Variants in ZCWPW2 observed in about 807,000 individuals in gnomAD.
ZCWPW2 encodes zinc finger CW-type PWWP domain protein 2.
ZCWPW2 carries 45 observed loss-of-function variants against 46.6 expected under a neutral mutation model. The ratio of observed to expected loss-of-function variants is 0.96; its 90% CI spans 0.76 to 1.24. The LOEUF (loss-of-function observed/expected upper bound fraction) is 1.24. ZCWPW2 is among the 50% of genes most tolerant of loss of function. The pLI is 0.00. For missense variants in ZCWPW2, 429 were observed against 403.9 expected, an observed-to-expected ratio of 1.06 and a Z score of -0.53; for synonymous variants, 152 against 137.1, an observed-to-expected ratio of 1.11 and a Z score of -0.76.
At chr3:28,378,385 A>T (rs1026819844) in intron 1 of ZCWPW2, among the ~76,000 whole-genome samples, 2 of 152,026 alleles carry the variant, frequency 1.3e-5, no homozygotes, top group South Asian at 2.1e-4. Flanking sequence ...TAATTTTCTT[A>T]TCTAACTAGA....
At chr3:28,500,452 TG>T (rs1700112772) in intron 6 of ZCWPW2, among the ~76,000 whole-genome samples, 1 of 152,264 alleles carries the variant, frequency 6.6e-6, no homozygotes, top group South Asian at 2.1e-4. Flanking sequence ...TTTAATTTTT[TG>T]TTTACCTACA....
intron 2 of ZCWPW2, among the ~76,000 whole-genome samples, chr3:28,406,291 A>T (rs1293336034): frequency 1.3e-5 from 2 of 152,180 alleles, no homozygotes; most frequent in Non-Finnish European, 2.9e-5. Context: ...TGACCATCTG[A>T]TAAAGAAATT....
chr3:28,452,484 C>T (rs557316823), intron 4 of ZCWPW2, among the ~76,000 whole-genome samples: 8 of 152,138 alleles, frequency 5.3e-5, no homozygotes, highest in Non-Finnish European at 1.5e-5. Context: ...TTAGTAGAGA[C>T]GGGGTTTCAC....
At chr3:28,427,389 C>A (rs73825160) in intron 3 of ZCWPW2, among the ~76,000 whole-genome samples, 3,992 of 152,268 alleles carry the variant, frequency 0.026, 153 homozygotes, top group African/African-American at 0.085. Flanking sequence ...TTTTCTACAT[C>A]TATTGTCTCT....
chr3:28,486,677 C>A (rs1699610363), intron 5 of ZCWPW2, among the ~76,000 whole-genome samples: 1 of 152,054 alleles, frequency 6.6e-6, no homozygotes, highest in Non-Finnish European at 1.5e-5. Flanking sequence ...GAGTTGGAGA[C>A]CAGCCTGGGC....
At position 28,404,942 on chromosome 3, in the gene ZCWPW2, A is replaced by G. The variant is rs111384446; in HGVS notation, c.-13-8114A>G. ...ATAGAGTGCATTGTATACTGCTTGG[A>G]TGGTGGGTACACCAAAATCTCACAA... On this transcript the variant is annotated intron_variant, in intron 2 of 9. Coordinates refer to ENST00000383768, the MANE Select transcript of ZCWPW2 (RefSeq NM_001040432.4). Among the ~76,000 whole-genome samples the G allele has an allele frequency of 1.4e-3, 213 of 152,252 alleles. 1 individual carries two copies. Among genetic ancestry groups the G allele is most frequent in the Non-Finnish European group, 2.1e-3 (146 of 68,016 alleles).
intron 1 of ZCWPW2, among the ~76,000 whole-genome samples, chr3:28,377,446 A>G (rs1705539395): frequency 6.6e-6 from 1 of 152,130 alleles, no homozygotes; most frequent in South Asian, 2.1e-4. Context: ...TTGAATGTCA[A>G]GTTACAATTT....
At chr3:28,385,174 G>C (rs971395352) in intron 1 of ZCWPW2, among the ~76,000 whole-genome samples, 4 of 152,070 alleles carry the variant, frequency 2.6e-5, no homozygotes, top group African/African-American at 9.7e-5. Context: ...AAGTAGTCAA[G>C]ACCTGCACAT....
chr3:28,462,785 C>T (rs746329985), intron 4 of ZCWPW2, among the ~76,000 whole-genome samples: 1 of 148,596 alleles, frequency 6.7e-6, no homozygotes, highest in Non-Finnish European at 1.5e-5. Flanking sequence ...GGTGGACAAA[C>T]CCTTATGTAT....
At chr3:28,372,674 G>C (rs563025311) in intron 1 of ZCWPW2, among the ~76,000 whole-genome samples, 1 of 152,180 alleles carries the variant, frequency 6.6e-6, no homozygotes, top group East Asian at 1.9e-4. Flanking sequence ...TGCATAGATA[G>C]ATATATTGCC....
At chr3:28,391,381 A>G (rs1575080687) in intron 2 of ZCWPW2, among the ~76,000 whole-genome samples, 1 of 92,734 alleles carries the variant, frequency 1.1e-5, no homozygotes, top group Non-Finnish European at 2.9e-5. Context: ...ACACACATGC[A>G]CACACACACA....
rs1248709263 is a variant in ZCWPW2 at position 28,423,391 on chromosome 3, G to A, written c.332+9991G>A. ...TTTTTTTTTTTTTTTTTTTTAGACA[G>A]AGTCTCACTCTGTCGCCCAGACTGG... On this transcript the variant is annotated intron_variant, in intron 3 of 9. Transcript: ENST00000383768. 3.9e-5 allele frequency among the ~76,000 whole-genome samples: 5 copies of A among 128,734 alleles called. No homozygotes were observed. In the East Asian group the frequency reaches 1.2e-3, roughly 30 times the overall value. The allele number at this position is 128,734 out of a possible 152,430, so 84.5% of individuals were successfully genotyped here.
chr3:28,435,243 G>C lies in ZCWPW2; in HGVS notation c.466G>C (p.Val156Leu), dbSNP rs533972511. ...AAGATCATGGATAAAGGCAACATTC[G>C]TTGGACATTATAGTATCACATTAAA... ...HSRSWIKATF[V>L]GHYSITLKPE... Residue 156 changes from valine (V) to leucine (L), a missense_variant, in exon 4 of 10, where the codon GTT (valine) becomes CTT (leucine). Physicochemically the swap from Val to Leu is conservative, Grantham distance 32. Coordinates refer to ENST00000383768, the MANE Select transcript of ZCWPW2 (RefSeq NM_001040432.4). 2 of 1,612,852 alleles carry C rather than the reference G, an allele frequency of 1.2e-6. No homozygotes were observed. The highest frequency in any genetic ancestry group is 3.4e-5 in the Admixed American group (2 of 59,644).
chr3:28,460,747 G>A (rs1009853030), intron 4 of ZCWPW2, among the ~76,000 whole-genome samples: 1 of 152,152 alleles, frequency 6.6e-6, no homozygotes, highest in African/African-American at 2.4e-5. Context: ...AAAACGATCT[G>A]CCCAACAGAG....
intron 4 of ZCWPW2, among the ~76,000 whole-genome samples, chr3:28,474,961 T>C (rs910463756): frequency 2.0e-5 from 3 of 152,070 alleles, no homozygotes; most frequent in Non-Finnish European, 4.4e-5. Flanking sequence ...CCCGAGTAGC[T>C]GGGACTACAG....
In ZCWPW2 at chr3:28,365,781, A is replaced by G. The variant is rs578192201; in HGVS notation, c.-134+16578A>G. 5.9e-4 allele frequency among the ~76,000 whole-genome samples: 84 copies of G among 141,434 alleles called. 15 individuals carry two copies. The highest frequency in any genetic ancestry group is 2.5e-3 in the South Asian group (11 of 4,382). The allele number at this position is 141,434 out of a possible 152,430, so 92.8% of individuals were successfully genotyped here. A position where few individuals can be genotyped will look rare whatever the true frequency, so the allele number is the denominator to read the frequency against. ...ATATTGATTCTTCCTACCCATGAGCATGGAATGTTCTTCCATTTGTTTGTA... is the reference window on the plus strand; with the variant it reads ...ATATTGATTCTTCCTACCCATGAGCGTGGAATGTTCTTCCATTTGTTTGTA... On this transcript the variant is annotated intron_variant, in intron 1 of 9. Transcript: ENST00000383768.
At chr3:28,508,075 C>T (rs545160531) in intron 6 of ZCWPW2, among the ~76,000 whole-genome samples, 97 of 152,164 alleles carry the variant, frequency 6.4e-4, no homozygotes, top group African/African-American at 2.3e-3. Context: ...GTGAGGGGCC[C>T]AGGATGCTTC....
chr3:28,511,250 A>G, intron 6 of ZCWPW2: 1 of 235,850 alleles, frequency 4.2e-6, no homozygotes, highest in African/African-American at 2.2e-5. Flanking sequence ...TATGGGTCAT[A>G]TTGTTGGATC....
intron 4 of ZCWPW2, among the ~76,000 whole-genome samples, chr3:28,473,449 TG>T (rs2125799184): frequency 1.3e-5 from 2 of 151,804 alleles, no homozygotes; most frequent in South Asian, 4.2e-4. Flanking sequence ...CACTCCAGCT[TG>T]GGTGACAGAG....
Sources: gnomAD v4.1 joint callset for allele counts (sites outside exome capture counted in the v4.1 genomes callset) on GRCh38, gnomAD v4.1.1 for gene constraint, MANE v1.5 for transcripts, NCBI Gene and HGNC (gene_info 2026-07-23, HGNC 2026-07-21) for gene names.